The following ADGRG4 variants were observed in gnomAD, a reference collection of about 807,000 sequenced individuals.
ADGRG4 encodes the protein adhesion G protein-coupled receptor G4, also known as G protein-coupled receptor 112.
A neutral mutation model predicts 126.2 loss-of-function variants in ADGRG4; 122 were observed. The observed-to-expected ratio is 0.97, with a 90% confidence interval of 0.83 to 1.12. The LOEUF is 1.12. ADGRG4 is among the 50% of genes most tolerant of loss of function. ADGRG4 has a pLI of 0.00. For missense variants in ADGRG4, 2,481 were observed against 2,251.8 expected (o/e 1.10, Z -2.06); for synonymous variants, 943 against 838.7 (o/e 1.12, Z -2.15).
intron 17 of ADGRG4, 115 bp downstream of exon 17, chrX:136,392,469 T>C: frequency 1.6e-6 from 1 of 637,608 alleles, no homozygotes; most frequent in East Asian, 3.6e-5. Flanking sequence ...ATGAGGAATG[T>C]CCTATTCCAG....
In ADGRG4 at chrX:136,345,889, T is replaced by C. The variant is rs764679180; in HGVS notation, c.2183T>C (p.Val728Ala). ...DATTARYTTA[V>A]SKLTSPWFAN... ...ACTACAGCCAGATATACAACAGCTG[T>C]ATCCAAATTGACATCACCATGGTTT... Residue 728 changes from valine to alanine, a missense_variant, in exon 6 of 26, where the codon GTA (valine) becomes GCA (alanine). Val to Ala is a moderately conservative substitution (Grantham distance 64). Transcript: ENST00000394143. The C allele has an allele frequency of 8.3e-7, 1 of 1,210,536 alleles. No individual in the cohort carries two copies. The highest frequency in any genetic ancestry group is 1.1e-6 in the Non-Finnish European group (1 of 894,386).
At chrX:136,336,467 A>C (rs977442052) in intron 5 of ADGRG4, among the ~76,000 whole-genome samples, 1 of 111,001 alleles carries the variant, frequency 9.0e-6, no homozygotes, top group African/African-American at 3.3e-5. Context: ...ATAATTATGG[A>C]TTTACTATTT....
At chrX:136,352,057 T>C (rs1230145947) in intron 7 of ADGRG4, among the ~76,000 whole-genome samples, 5 of 111,956 alleles carry the variant, frequency 4.5e-5, no homozygotes, top group African/African-American at 1.6e-4. Context: ...ATGTCCTCTC[T>C]CTAATACTGC....
At chrX:136,410,898 G>A (rs929158571) in intron 23 of ADGRG4, among the ~76,000 whole-genome samples, 2 of 111,880 alleles carry the variant, frequency 1.8e-5, no homozygotes, top group African/African-American at 6.5e-5. Context: ...TCAGAAGTGG[G>A]AAAAATGAGT....
chrX:136,361,636 AC>A, intron 12 of ADGRG4, 49 bp downstream of exon 12: 2 of 985,067 alleles, frequency 2.0e-6, no homozygotes, highest in Non-Finnish European at 2.7e-6. Context: ...ACAAAGATCT[AC>A]CTAATTGGGG....
intron 1 of ADGRG4, among the ~76,000 whole-genome samples, chrX:136,303,791 C>A (rs2074717581): frequency 9.0e-6 from 1 of 111,306 alleles, no homozygotes; most frequent in African/African-American, 3.3e-5. Context: ...CAATAGCTGG[C>A]TTGCTATTCC....
At chrX:136,328,311 G>A (rs1340421228) in intron 5 of ADGRG4, among the ~76,000 whole-genome samples, 1 of 111,722 alleles carries the variant, frequency 9.0e-6, no homozygotes, top group Non-Finnish European at 1.9e-5. Flanking sequence ...AAAGTAATGG[G>A]TGGTGACAGA....
At chrX:136,328,292 G>A (rs2074887219) in intron 5 of ADGRG4, among the ~76,000 whole-genome samples, 1 of 111,594 alleles carries the variant, frequency 9.0e-6, no homozygotes, top group Non-Finnish European at 1.9e-5. Context: ...AAAGTCTACA[G>A]GGCTTTTAAA....
At position 136,322,885 on chromosome X, in the gene ADGRG4, G is replaced by T. The variant is rs150404107; in HGVS notation, c.178G>T (p.Asp60Tyr). 1 of 1,211,580 alleles carries T rather than the reference G, an allele frequency of 8.3e-7. No individual in the cohort carries two copies. Among genetic ancestry groups the T allele is most frequent in the Non-Finnish European group, 1.1e-6 (1 of 895,296 alleles). Residue 60 changes from aspartate to tyrosine, a missense_variant, in exon 5 of 26, where the codon GAT becomes TAT. Asp to Tyr is a radical substitution (Grantham distance 160). Coordinates refer to ENST00000394143, the MANE Select transcript of ADGRG4 (RefSeq NM_153834.4). The stretch of plus-strand genomic sequence containing the variant: ...ACTCAGCCGATTCACAGCATGCATT[G>T]ATCTGGTATTCATGGATGACAACTC... ...PELSRFTACI[D>Y]LVFMDDNSRY...
intron 7 of ADGRG4, among the ~76,000 whole-genome samples, chrX:136,352,355 ATCT>A (rs780405494): frequency 1.1e-4 from 12 of 110,257 alleles, no homozygotes; most frequent in African/African-American, 3.6e-4. Context: ...AGTTGTTTCT[ATCT>A]TCTTCTCTAT....
rs145257438 is a variant in ADGRG4 at position 136,347,573 on chromosome X, G to T, written c.3867G>T (p.Arg1289=). ...PSKNSFISYS[R]GTPSLEMTDT... ...AGAATTCTTTTATTTCATACTCCCGGGGTACTCCATCTTTGGAAATGACAG... is the reference window on the plus strand; with the variant it reads ...AGAATTCTTTTATTTCATACTCCCGTGGTACTCCATCTTTGGAAATGACAG... The change falls in exon 6 of 26, where the codon CGG becomes CGT. Residue 1289 remains arginine (R), a synonymous_variant. Transcript: ENST00000394143. 6.3e-5 allele frequency: 76 copies of T among 1,205,296 alleles called. No homozygotes were observed. In the African/African-American group the frequency reaches 1.2e-3, roughly 19 times the overall value.
At chrX:136,314,087 T>TTC in intron 4 of ADGRG4, among the ~76,000 whole-genome samples, 1 of 110,633 alleles carries the variant, frequency 9.0e-6, no homozygotes, top group Non-Finnish European at 1.9e-5. Context: ...TTTTCTTTTC[T>TTC]TCTCTCTCTC....
chrX:136,396,015 C>T (rs771902110), intron 19 of ADGRG4, among the ~76,000 whole-genome samples: 66 of 111,376 alleles, frequency 5.9e-4, no homozygotes, highest in African/African-American at 2.1e-3. Context: ...ATAGCTGTTG[C>T]TGTTTTTCTC....
intron 5 of ADGRG4, among the ~76,000 whole-genome samples, chrX:136,324,181 T>C (rs765169452): frequency 8.1e-5 from 9 of 111,479 alleles, no homozygotes; most frequent in African/African-American, 2.9e-4. Flanking sequence ...AAAGTTATTA[T>C]TTTTTCCTTT....
At chrX:136,380,598 CTCCTCCTCT>C (rs1238283975) in intron 15 of ADGRG4, among the ~76,000 whole-genome samples, 126 of 70,882 alleles carry the variant, frequency 1.8e-3, no homozygotes, top group African/African-American at 5.6e-3. Flanking sequence ...CCTCCTCCTC[CTCCTCCTCT>C]TCTTCTTCTT....
rs757783133 is a variant in ADGRG4 at position 136,344,697 on chromosome X, A to G, written c.991A>G (p.Ile331Val). The change falls in exon 6 of 26, where the codon ATA (isoleucine) becomes GTA (valine). Residue 331 changes from isoleucine (I) to valine (V), a missense_variant. Transcript: ENST00000394143. ...AGCCATCTCTCTGCCTACCCAGAGT[A>G]TATCCATAGACAATACTACCAATTC... Reference protein sequence around the residue: ...SSAISLPTQSISIDNTTNSMK... With the variant: ...SSAISLPTQSVSIDNTTNSMK... 3 of 1,203,463 alleles carry G rather than the reference A, an allele frequency of 2.5e-6. No homozygotes were observed. The highest frequency in any genetic ancestry group is 3.4e-6 in the Non-Finnish European group (3 of 889,337).
intron 4 of ADGRG4, among the ~76,000 whole-genome samples, chrX:136,316,451 TCTGA>T (rs1418963843): frequency 9.0e-6 from 1 of 111,084 alleles, no homozygotes; most frequent in Non-Finnish European, 1.9e-5. Flanking sequence ...CCATTTACTC[TCTGA>T]CTTTTTATTT....
chrX:136,305,614 C>T (rs2074728492), intron 3 of ADGRG4, among the ~76,000 whole-genome samples: 1 of 112,116 alleles, frequency 8.9e-6, no homozygotes, highest in Non-Finnish European at 1.9e-5. Flanking sequence ...AATAAATGTC[C>T]AGTGAGGGTA....
chrX:136,407,524 A>G lies in ADGRG4; in HGVS notation c.8935+1552A>G, dbSNP rs1160654209. Among the ~76,000 whole-genome samples the G allele has an allele frequency of 2.7e-5, 3 of 111,596 alleles. No homozygotes were observed. In the East Asian group the frequency reaches 8.4e-4, roughly 31 times the overall value. On this transcript the variant is annotated intron_variant, in intron 23 of 25. Transcript: ENST00000394143. ...GGTGGGAAGCAATGTAGCAGAAGGCATGGTTTTTGCATTTATGTTTTAGGA... is the reference window on the plus strand; with the variant it reads ...GGTGGGAAGCAATGTAGCAGAAGGCGTGGTTTTTGCATTTATGTTTTAGGA...
Sources: gnomAD v4.1 joint callset for allele counts (sites outside exome capture counted in the v4.1 genomes callset) on GRCh38, gnomAD v4.1.1 for gene constraint, MANE v1.5 for transcripts, NCBI Gene and HGNC (gene_info 2026-07-23, HGNC 2026-07-21) for gene names.